Variants in ZCCHC7 observed in about 807,000 individuals in gnomAD.
ZCCHC7 encodes the protein zinc finger CCHC domain-containing protein 7.
ZCCHC7 carries 35 observed loss-of-function variants against 52.0 expected under a neutral mutation model. That is an observed-to-expected ratio of 0.67 (90% CI 0.51 to 0.89). ZCCHC7 has a LOEUF of 0.89. Ranked by LOEUF, ZCCHC7 falls within the 40% of genes least tolerant of loss-of-function variation. ZCCHC7 has a pLI of 0.00. For missense variants in ZCCHC7, 574 were observed against 649.1 expected, an observed-to-expected ratio of 0.88 and a Z score of 1.26; for synonymous variants, 217 against 221.5, an observed-to-expected ratio of 0.98 and a Z score of 0.18.
chr9:37,253,552 A>G (rs1466049888), intron 2 of ZCCHC7, among the ~76,000 whole-genome samples: 1 of 152,002 alleles, frequency 6.6e-6, no homozygotes, highest in Non-Finnish European at 1.5e-5. Context: ...GAAAAGAACA[A>G]ATTTCCATTT....
chr9:37,252,817 G>C (rs1482941760), intron 2 of ZCCHC7, among the ~76,000 whole-genome samples: 1 of 152,094 alleles, frequency 6.6e-6, no homozygotes, highest in Non-Finnish European at 1.5e-5. Flanking sequence ...ATTGGTATTT[G>C]AGAGCTAATC....
At chr9:37,297,749 G>A (rs1828852988) in intron 2 of ZCCHC7, among the ~76,000 whole-genome samples, 1 of 152,166 alleles carries the variant, frequency 6.6e-6, no homozygotes, top group Admixed American at 6.5e-5. Context: ...GTGATCTTTG[G>A]AAATACATTT....
At chr9:37,339,699 T>C (rs896649502) in intron 6 of ZCCHC7, among the ~76,000 whole-genome samples, 1 of 152,216 alleles carries the variant, frequency 6.6e-6, no homozygotes, top group African/African-American at 2.4e-5. Flanking sequence ...ATTTGCTTTT[T>C]AATATATGTC....
intron 2 of ZCCHC7, among the ~76,000 whole-genome samples, chr9:37,296,556 G>T (rs1828790079): frequency 1.3e-5 from 2 of 151,484 alleles, no homozygotes; most frequent in Non-Finnish European, 2.9e-5. Context: ...GTTCCTTAAG[G>T]ATTACAGGTA....
chr9:37,165,925 A>G (rs1313132345), intron 2 of ZCCHC7, among the ~76,000 whole-genome samples: 1 of 152,228 alleles, frequency 6.6e-6, no homozygotes, highest in East Asian at 1.9e-4. Flanking sequence ...ACCTTTAGGA[A>G]TGTTATGCAG....
intron 2 of ZCCHC7, among the ~76,000 whole-genome samples, chr9:37,188,598 C>G (rs1822807008): frequency 1.9e-5 from 1 of 52,522 alleles, no homozygotes; most frequent in Admixed American, 1.6e-4. Flanking sequence ...CTCCCCATCT[C>G]ACCTCCCTTC....
chr9:37,351,496 A>G (rs1821375701), intron 7 of ZCCHC7, among the ~76,000 whole-genome samples: 2 of 152,098 alleles, frequency 1.3e-5, no homozygotes, highest in Admixed American at 6.5e-5. Context: ...TTGTAGAGAC[A>G]TGGTCTCACT....
chr9:37,300,049 G>A (rs941464143), intron 2 of ZCCHC7, among the ~76,000 whole-genome samples: 1 of 152,128 alleles, frequency 6.6e-6, no homozygotes, highest in Non-Finnish European at 1.5e-5. Context: ...GTTCTACCAG[G>A]GTAGTCTTGG....
intron 2 of ZCCHC7, among the ~76,000 whole-genome samples, chr9:37,234,437 C>A (rs936318524): frequency 6.6e-6 from 1 of 152,172 alleles, no homozygotes; most frequent in Non-Finnish European, 1.5e-5. Context: ...ACAAGAAGTT[C>A]TTTCATTGGT....
At chr9:37,318,187 A>G (rs762619374) in intron 5 of ZCCHC7, among the ~76,000 whole-genome samples, 5 of 151,972 alleles carry the variant, frequency 3.3e-5, no homozygotes, top group Non-Finnish European at 5.9e-5. Flanking sequence ...TAGTCATATA[A>G]TGGGATTTAT....
At chr9:37,182,071 T>C (rs1822385774) in intron 2 of ZCCHC7, among the ~76,000 whole-genome samples, 2 of 152,216 alleles carry the variant, frequency 1.3e-5, no homozygotes, top group Non-Finnish European at 2.9e-5. Context: ...TATAGAGATA[T>C]TATTACTAGA....
intron 2 of ZCCHC7, among the ~76,000 whole-genome samples, chr9:37,164,924 G>T (rs1821337068): frequency 6.6e-6 from 1 of 152,150 alleles, no homozygotes; most frequent in Non-Finnish European, 1.5e-5. Flanking sequence ...GGTGGGGGGT[G>T]AATTGGGATT....
intron 2 of ZCCHC7, among the ~76,000 whole-genome samples, chr9:37,291,471 A>AT (rs574321708): frequency 1.2e-3 from 184 of 152,020 alleles, no homozygotes; most frequent in African/African-American, 4.3e-3. Context: ...AGGACATGTG[A>AT]TTTTTTTTAT....
chr9:37,267,530 TG>T (rs997420294), intron 2 of ZCCHC7, among the ~76,000 whole-genome samples: 2 of 150,776 alleles, frequency 1.3e-5, no homozygotes, highest in African/African-American at 4.9e-5. Context: ...CTCAGCCTCC[TG>T]GGTAGCTGGG....
chr9:37,131,342 A>G (rs1842773556), intron 2 of ZCCHC7, among the ~76,000 whole-genome samples: 1 of 147,656 alleles, frequency 6.8e-6, no homozygotes, highest in African/African-American at 2.5e-5. Context: ...TCTGTCAAAA[A>G]AAAAAAGAAA....
chr9:37,143,661 CT>C (rs1239133223), intron 2 of ZCCHC7, among the ~76,000 whole-genome samples: 1 of 151,352 alleles, frequency 6.6e-6, no homozygotes, highest in African/African-American at 2.4e-5. Flanking sequence ...TGCTTGAACT[CT>C]TTTTTTCTAA....
chr9:37,261,589 G>A (rs1319464648), intron 2 of ZCCHC7, among the ~76,000 whole-genome samples: 2 of 152,174 alleles, frequency 1.3e-5, no homozygotes, highest in Non-Finnish European at 2.9e-5. Flanking sequence ...GAGCTTCTGG[G>A]TCAGTTGTCT....
intron 2 of ZCCHC7, among the ~76,000 whole-genome samples, chr9:37,272,491 TAAAA>T (rs551495038): frequency 2.0e-5 from 2 of 97,822 alleles, no homozygotes; most frequent in Non-Finnish European, 4.2e-5. Context: ...AGCTGTGTGG[TAAAA>T]AAAAAAAAAA....
intron 2 of ZCCHC7, among the ~76,000 whole-genome samples, chr9:37,210,466 A>T (rs1435977403): frequency 6.6e-6 from 1 of 152,190 alleles, no homozygotes; most frequent in Non-Finnish European, 1.5e-5. Flanking sequence ...TTTTCATGTG[A>T]TAAATAAGAT....
Sources: gnomAD v4.1 joint callset for allele counts (sites outside exome capture counted in the v4.1 genomes callset) on GRCh38, gnomAD v4.1.1 for gene constraint, MANE v1.5 for transcripts, NCBI Gene and HGNC (gene_info 2026-07-23, HGNC 2026-07-21) for gene names.